Variants in SCN4A observed in about 807,000 individuals in gnomAD.
SCN4A encodes sodium channel protein type 4 subunit alpha.
SCN4A carries 83 observed loss-of-function variants against 162.0 expected under a neutral mutation model. The ratio of observed to expected loss-of-function variants is 0.51; its 90% CI spans 0.43 to 0.61. The LOEUF (loss-of-function observed/expected upper bound fraction) is 0.61, where lower values mean the gene tolerates loss of function less well. SCN4A is among the 20% of genes least tolerant of loss of function. The pLI, the probability that SCN4A is intolerant of heterozygous loss-of-function variation, is 0.00. For synonymous variants in SCN4A, 944 were observed against 985.1 expected (o/e 0.96, Z 0.78); for missense variants, 2,196 against 2,462.5 (o/e 0.89, Z 2.29).
At chr17:63,948,510 C>G in intron 16 of SCN4A, 101 bp downstream of exon 16, 3 of 1,052,010 alleles carry the variant, frequency 2.9e-6, no homozygotes. Context: ...TTGGGACTGA[C>G]CAGAGCATGG....
In SCN4A at chr17:63,941,667, C is replaced by T. The variant is rs775792587; in HGVS notation, c.4615G>A (p.Asp1539Asn). ...TTGAGGATGGGGTTGAGGAGCCCGT[C>T]CCAGCCGGCCGACGTGGTGATCTCG... ...LFEITTSAGW[D>N]GLLNPILNSG... Residue 1539 changes from aspartate to asparagine, a missense_variant, in exon 24 of 24, where the codon GAC becomes AAC. Physicochemically the swap from Asp to Asn is conservative, Grantham distance 23. Coordinates refer to ENST00000435607, the MANE Select transcript of SCN4A (RefSeq NM_000334.4). The surrounding 1 kb of genome is among the most constrained non-coding windows in gnomAD (Gnocchi z 6.2). The T allele has an allele frequency of 7.4e-6, 12 of 1,613,988 alleles. No individual in the cohort carries two copies. Among genetic ancestry groups the T allele is most frequent in the Non-Finnish European group, 1.0e-5 (12 of 1,180,020 alleles).
At position 63,964,543 on chromosome 17, in the gene SCN4A, G is replaced by A. The variant is rs781392555; in HGVS notation, c.1377C>T (p.Ala459=). The A allele has an allele frequency of 1.9e-5, 30 of 1,613,970 alleles. 1 individual carries two copies. Among genetic ancestry groups the A allele is most frequent in the East Asian group, 4.5e-5 (2 of 44,884 alleles). ...AYAEQNEATL[A]EDKEKEEEFQ... ...ACTCCTCCTCTTTCTCCTTATCCTC[G>A]GCCAGGGTGGCCTCATTCTGCTCGG... The change falls in exon 9 of 24, where the codon GCC becomes GCT. Residue 459 remains alanine, a synonymous_variant. Transcript: ENST00000435607.
At position 63,966,482 on chromosome 17, in the gene SCN4A, C is replaced by G. The variant is rs1358127475; in HGVS notation, c.1099G>C (p.Gly367Arg). The change falls in exon 7 of 24, where the codon GGG becomes CGG. Residue 367 changes from glycine (G) to arginine (R), a missense_variant and splice_region_variant. Coordinates refer to ENST00000435607, the MANE Select transcript of SCN4A (RefSeq NM_000334.4). ...ALLCGNSSDAGHCPEGYECIK... is the reference protein window; with the variant it reads ...ALLCGNSSDARHCPEGYECIK... Reference sequence around the variant, plus strand: ...TCTGCATCCCTTAGCATCACTCACCCAGCATCACTGCTGTTCCCACAGAGC... The same window carrying G: ...TCTGCATCCCTTAGCATCACTCACCGAGCATCACTGCTGTTCCCACAGAGC... The G allele has an allele frequency of 6.2e-7, 1 of 1,613,680 alleles. No individual in the cohort carries two copies. The highest frequency in any genetic ancestry group is 1.3e-5 in the African/African-American group (1 of 75,056).
chr17:63,945,520 T>C lies in SCN4A; in HGVS notation c.3560A>G (p.Tyr1187Cys). 2 of 1,613,874 alleles carry C rather than the reference T, an allele frequency of 1.2e-6. No individual in the cohort carries two copies. The highest frequency in any genetic ancestry group is 1.7e-6 in the Non-Finnish European group (2 of 1,179,846). ...MGVNLFAGKF[Y>C]YCINTTTSER... ...AGAGGTGGTGGTGTTGATGCAGTAGTAGAACTTGCCGGCAAACAGGTTGAC... is the reference window on the plus strand; with the variant it reads ...AGAGGTGGTGGTGTTGATGCAGTAGCAGAACTTGCCGGCAAACAGGTTGAC... Residue 1187 changes from tyrosine to cysteine, a missense_variant, in exon 19 of 24, where the codon TAC (tyrosine) becomes TGC (cysteine). Physicochemically the swap from Tyr to Cys is radical, Grantham distance 194. Coordinates refer to ENST00000435607, the MANE Select transcript of SCN4A (RefSeq NM_000334.4). This position sits in a 1 kb window ranked among gnomAD's most constrained non-coding sequence, Gnocchi z 4.4.
At position 63,947,171 on chromosome 17, in the gene SCN4A, C is replaced by A; in HGVS notation, c.3319-4G>T. ...CCACCAAGCTGATGATGGAGACCTG[C>A]AGGGGAGGGGTGAGGGGATCAGTGC... On this transcript the variant is annotated splice_polypyrimidine_tract_variant and splice_region_variant and intron_variant, in intron 17 of 23. Coordinates refer to ENST00000435607, the MANE Select transcript of SCN4A (RefSeq NM_000334.4). 1 of 1,613,142 alleles carries A rather than the reference C, an allele frequency of 6.2e-7. No individual in the cohort carries two copies. Among genetic ancestry groups the A allele is most frequent in the Non-Finnish European group, 8.5e-7 (1 of 1,179,780 alleles).
rs569165670 is a variant in SCN4A at position 63,945,194 on chromosome 17, A to C, written c.3721-134T>G. 1.9e-6 allele frequency: 2 copies of C among 1,054,034 alleles called. No homozygotes were observed. The highest frequency in any genetic ancestry group is 2.9e-5 in the South Asian group (2 of 67,916). The allele number at this position is 1,054,034 out of a possible 1,614,324, so 65.3% of individuals were successfully genotyped here. A position where few individuals can be genotyped will look rare whatever the true frequency, so the allele number is the denominator to read the frequency against. ...CCAGAGCCCCACTGGGCTAGCATCA[A>C]ATAAAGACCAGAGAGGTCTAGACAC... On this transcript the variant is annotated intron_variant, in intron 19 of 23. Coordinates refer to ENST00000435607, the MANE Select transcript of SCN4A (RefSeq NM_000334.4). The surrounding 1 kb of genome is among the most constrained non-coding windows in gnomAD (Gnocchi z 4.4).
In SCN4A at chr17:63,950,673, GTA is replaced by G. The variant is rs1908879355; in HGVS notation, c.2853+749_2853+750del. On this transcript the variant is annotated intron_variant, in intron 14 of 23. Coordinates refer to ENST00000435607, the MANE Select transcript of SCN4A (RefSeq NM_000334.4). The surrounding 1 kb of genome is among the most constrained non-coding windows in gnomAD (Gnocchi z 4.6). Reference sequence around the variant, plus strand: ...GGCAGGGGCCCTCGTCCTAGCTCCTGTATGAGTCCTTTCCCTGCCAGAGCTGG... The same window carrying G: ...GGCAGGGGCCCTCGTCCTAGCTCCTGTGAGTCCTTTCCCTGCCAGAGCTGG... Among the ~76,000 whole-genome samples, 1 of 152,242 alleles carries G rather than the reference GTA, an allele frequency of 6.6e-6. No homozygotes were observed. Among genetic ancestry groups the G allele is most frequent in the African/African-American group, 2.4e-5 (1 of 41,470 alleles).
At position 63,951,157 on chromosome 17, in the gene SCN4A, G is replaced by A. The variant is rs1337837887; in HGVS notation, c.2853+267C>T. 6.6e-6 allele frequency among the ~76,000 whole-genome samples: 1 copy of A among 152,198 alleles called. No individual in the cohort carries two copies. On this transcript the variant is annotated intron_variant, in intron 14 of 23. Coordinates refer to ENST00000435607, the MANE Select transcript of SCN4A (RefSeq NM_000334.4). The surrounding 1 kb of genome is among the most constrained non-coding windows in gnomAD (Gnocchi z 4.5). ...ACCACCTGCTGGTGAGAGGGGCCCA[G>A]GTGTTCTGGTCCGAGGGAATCAGGG...
chr17:63,965,227 TA>T (rs1293359699), intron 8 of SCN4A, among the ~76,000 whole-genome samples: 4 of 152,110 alleles, frequency 2.6e-5, no homozygotes, highest in Non-Finnish European at 5.9e-5. Context: ...GTATTTTTTG[TA>T]GAGATGGGTT....
intron 8 of SCN4A, 87 bp from the exon 9 acceptor site, chr17:63,964,764 C>T (rs1432337996): frequency 2.9e-6 from 3 of 1,022,774 alleles, no homozygotes; most frequent in Non-Finnish European, 2.9e-6. Flanking sequence ...CCATTGCCCG[C>T]ATGGGTAAGC....
intron 13 of SCN4A, among the ~76,000 whole-genome samples, chr17:63,956,390 C>T (rs1489685234): frequency 6.6e-6 from 1 of 152,202 alleles, no homozygotes; most frequent in Non-Finnish European, 1.5e-5. Context: ...TGGTGTGTGC[C>T]ACCATGCCTA....
At chr17:63,955,375 C>T (rs1056900453) in intron 13 of SCN4A, among the ~76,000 whole-genome samples, 15 of 152,206 alleles carry the variant, frequency 9.9e-5, no homozygotes, top group African/African-American at 3.1e-4. Context: ...CCCTGCCGCA[C>T]GCCTGCAACA....
chr17:63,951,480 G>C lies in SCN4A; in HGVS notation c.2797C>G (p.Leu933Val), dbSNP rs757508857. ...GTTTCCTCCTCGGTGGGCATCTCCAGGTCGGACTCCTCGGAGGCGATGGGC... is the reference window on the plus strand; with the variant it reads ...GTTTCCTCCTCGGTGGGCATCTCCACGTCGGACTCCTCGGAGGCGATGGGC... Reference protein sequence around the residue: ...QVPIASEESDLEMPTEEETDT... With the variant: ...QVPIASEESDVEMPTEEETDT... The change falls in exon 14 of 24, where the codon CTG becomes GTG. Residue 933 changes from leucine (L) to valine (V), a missense_variant. Coordinates refer to ENST00000435607, the MANE Select transcript of SCN4A (RefSeq NM_000334.4). The surrounding 1 kb of genome is among the most constrained non-coding windows in gnomAD (Gnocchi z 4.5). The C allele has an allele frequency of 2.6e-5, 42 of 1,611,786 alleles. No homozygotes were observed. The Admixed American group carries it at 6.3e-4, about 24-fold the overall frequency.
rs1246360026 is a variant in SCN4A, at chr17:63,945,220, T to C, written c.3720+140A>G. 9.1e-6 allele frequency: 9 copies of C among 991,146 alleles called. No homozygotes were observed. The highest frequency in any genetic ancestry group is 1.4e-5 in the Non-Finnish European group (9 of 655,776). 61.4% of individuals were successfully genotyped at this position (991,146 alleles called of 1,614,324 possible). A position where few individuals can be genotyped will look rare whatever the true frequency, so the allele number is the denominator to read the frequency against. ...ATAAAGACCAGAGAGGTCTAGACAC[T>C]GCCTGGGGATCCCACAGCATTGGAA... On this transcript the variant is annotated intron_variant, in intron 19 of 23. Transcript: ENST00000435607. The surrounding 1 kb of genome is among the most constrained non-coding windows in gnomAD (Gnocchi z 4.4).
Position 63,945,365 on chromosome 17 carries a change from G to A in SCN4A, c.3715C>T (p.Gln1239Ter). 6.2e-7 allele frequency: 1 copy of A among 1,609,446 alleles called. No individual in the cohort carries two copies. The highest frequency in any genetic ancestry group is 8.5e-7 in the Non-Finnish European group (1 of 1,176,102). ...NVGLGYLSLL[Q>*]VATFKGWMDI... ...GGGTGGTGGGTCACACTCACCACCTGCAGGAGGGAGAGGTAGCCCAGACCC... is the reference window on the plus strand; with the variant it reads ...GGGTGGTGGGTCACACTCACCACCTACAGGAGGGAGAGGTAGCCCAGACCC... The change falls in exon 19 of 24, where the codon CAG (glutamine) becomes TAG (stop). Residue 1239 changes from glutamine to a stop codon, truncating the protein, a stop_gained. Coordinates refer to ENST00000435607, the MANE Select transcript of SCN4A (RefSeq NM_000334.4). LOFTEE classifies it high-confidence loss of function. This position sits in a 1 kb window ranked among gnomAD's most constrained non-coding sequence, Gnocchi z 4.4.
chr17:63,952,275 G>A (rs894753176), intron 13 of SCN4A, among the ~76,000 whole-genome samples: 1 of 151,316 alleles, frequency 6.6e-6, no homozygotes, highest in East Asian at 1.9e-4. Context: ...GCGCGATTTC[G>A]GCTCACGGCA....
intron 12 of SCN4A, 78 bp downstream of exon 12, chr17:63,959,187 T>A: frequency 7.3e-7 from 1 of 1,361,062 alleles, no homozygotes; most frequent in Non-Finnish European, 1.0e-6. Flanking sequence ...GGGTTTCTCC[T>A]CCCATCCCTG....
Position 63,942,014 on chromosome 17 carries a change from G to T in SCN4A, c.4289-21C>A, listed in dbSNP as rs1317264168. ...AAGGCCTGCGGGGAGAAGCTAGTGAGGACGCTGCCACTGGGGAGGGGGGCC... is the reference window on the plus strand; with the variant it reads ...AAGGCCTGCGGGGAGAAGCTAGTGATGACGCTGCCACTGGGGAGGGGGGCC... On this transcript the variant is annotated intron_variant, in intron 23 of 23. Coordinates refer to ENST00000435607, the MANE Select transcript of SCN4A (RefSeq NM_000334.4). The T allele has an allele frequency of 2.6e-6, 4 of 1,539,430 alleles. No individual in the cohort carries two copies. The African/African-American group carries it at 5.5e-5, about 21-fold the overall frequency.
chr17:63,954,625 G>C (rs997892320), intron 13 of SCN4A, among the ~76,000 whole-genome samples: 1 of 152,162 alleles, frequency 6.6e-6, no homozygotes, highest in Non-Finnish European at 1.5e-5. Context: ...CAGGGGATGC[G>C]GGTCCTCACA....
Sources: gnomAD v4.1 joint callset for allele counts (sites outside exome capture counted in the v4.1 genomes callset) on GRCh38, gnomAD v4.1.1 for gene constraint, Gnocchi (gnomAD v3.1) non-coding constraint, MANE v1.5 for transcripts, NCBI Gene and HGNC (gene_info 2026-07-23, HGNC 2026-07-21) for gene names.